The following GRHL2 variants were observed in gnomAD, a reference collection of about 807,000 sequenced individuals.
GRHL2 encodes the protein grainyhead like transcription factor 2, also known as grainyhead-like protein 2 homolog.
A neutral mutation model predicts 83.8 loss-of-function variants in GRHL2; 21 were observed. The observed-to-expected ratio is 0.25, with a 90% confidence interval of 0.18 to 0.36. The LOEUF is 0.36. Ranked by LOEUF, GRHL2 falls within the 10% of genes least tolerant of loss-of-function variation. The pLI, the probability that GRHL2 is intolerant of heterozygous loss-of-function variation, is 1.00. For missense variants in GRHL2, 623 were observed against 781.8 expected, an observed-to-expected ratio of 0.80 and a Z score of 2.42; for synonymous variants, 280 against 278.9, an observed-to-expected ratio of 1.00 and a Z score of -0.04.
In GRHL2 at chr8:101,514,792, G is replaced by C. The variant is rs114247076; in HGVS notation, c.20+22003G>C. 2.6e-3 allele frequency among the ~76,000 whole-genome samples: 399 copies of C among 152,176 alleles called. 3 individuals carry two copies. The highest frequency in any genetic ancestry group is 9.0e-3 in the African/African-American group (373 of 41,528). ...GTTTAGGCAGACGAATGTTAGGATG[G>C]GGCTCTCTGTTTGAGGGAGAAAGTC... On this transcript the variant is annotated intron_variant, in intron 1 of 15. Transcript: ENST00000646743.
chr8:101,544,395 T>G (rs1811217935), intron 2 of GRHL2, among the ~76,000 whole-genome samples: 1 of 152,214 alleles, frequency 6.6e-6, no homozygotes, highest in South Asian at 2.1e-4. Flanking sequence ...AAAATAAATG[T>G]AATGCACTTA....
chr8:101,619,536 C>A lies in GRHL2; in HGVS notation c.1099-3C>A, dbSNP rs1289596008. 6.2e-7 allele frequency: 1 copy of A among 1,613,492 alleles called. No homozygotes were observed. The highest frequency in any genetic ancestry group is 1.3e-5 in the African/African-American group (1 of 74,898). Reference sequence around the variant, plus strand: ...GTGAACTTTTTCTTTCTCTTTCCCTCAGATTTTCATCACCGTGAATTGCTT... The same window carrying A: ...GTGAACTTTTTCTTTCTCTTTCCCTAAGATTTTCATCACCGTGAATTGCTT... On this transcript the variant is annotated splice_region_variant and splice_polypyrimidine_tract_variant and intron_variant, in intron 8 of 15. Transcript: ENST00000646743.
At chr8:101,512,730 C>T (rs1159306982) in intron 1 of GRHL2, among the ~76,000 whole-genome samples, 7 of 152,136 alleles carry the variant, frequency 4.6e-5, no homozygotes, top group South Asian at 2.1e-4. Flanking sequence ...TTACGCTGGT[C>T]GGGATTGGCA....
At chr8:101,504,170 GC>G (rs1210004611) in intron 1 of GRHL2, among the ~76,000 whole-genome samples, 1 of 152,146 alleles carries the variant, frequency 6.6e-6, no homozygotes, top group Non-Finnish European at 1.5e-5. Flanking sequence ...AGAAATCCCT[GC>G]CCTCTCCTCT....
intron 14 of GRHL2, among the ~76,000 whole-genome samples, chr8:101,659,105 AG>A (rs1216815742): frequency 6.6e-6 from 1 of 152,270 alleles, no homozygotes; most frequent in Non-Finnish European, 1.5e-5. Context: ...CTTATGATAT[AG>A]GAAACATGTG....
chr8:101,569,388 C>CAA (rs1179862528), intron 4 of GRHL2, among the ~76,000 whole-genome samples: 1 of 152,118 alleles, frequency 6.6e-6, no homozygotes, highest in Non-Finnish European at 1.5e-5. Flanking sequence ...TGAATAGGGT[C>CAA]AAATTATTAC....
chr8:101,543,505 A>T, intron 2 of GRHL2, 69 bp downstream of exon 2: 8 of 1,441,854 alleles, frequency 5.5e-6, no homozygotes, highest in Non-Finnish European at 7.8e-6. Flanking sequence ...GGGAAGAAGG[A>T]ACAGATTGTT....
At chr8:101,513,310 A>G (rs564933964) in intron 1 of GRHL2, among the ~76,000 whole-genome samples, 1 of 152,168 alleles carries the variant, frequency 6.6e-6, no homozygotes, top group South Asian at 2.1e-4. Flanking sequence ...CTCATCTATA[A>G]GAAGGGAATA....
chr8:101,573,947 A>G, intron 6 of GRHL2, 123 bp downstream of exon 6: 1 of 1,137,998 alleles, frequency 8.8e-7, no homozygotes, highest in South Asian at 1.3e-5. Context: ...TCTAGAACGA[A>G]TGTCAGAGAG....
At chr8:101,556,515 T>C (rs915326972) in intron 3 of GRHL2, among the ~76,000 whole-genome samples, 13 of 152,230 alleles carry the variant, frequency 8.5e-5, no homozygotes, top group Non-Finnish European at 2.9e-5. Context: ...TGAGTTCTTA[T>C]TTGTTTCTGC....
chr8:101,667,096 C>A lies in GRHL2; in HGVS notation c.*393C>A. ...CCTAAAAAATTCCCATCCCTTCTCT[C>A]TCACCCCTCCATATCTATCTCCCGA... is the stretch of plus-strand genomic sequence containing the variant. On this transcript the variant is annotated 3_prime_UTR_variant, in exon 16 of 16. Transcript: ENST00000646743. 3.3e-6 allele frequency: 1 copy of A among 301,478 alleles called. No individual in the cohort carries two copies. The highest frequency in any genetic ancestry group is 6.5e-6 in the Non-Finnish European group (1 of 154,160). The allele number at this position is 301,478 out of a possible 1,614,324, so 18.7% of individuals were successfully genotyped here. A position where few individuals can be genotyped will look rare whatever the true frequency, so the allele number is the denominator to read the frequency against.
chr8:101,641,582 C>A (rs1274287811), intron 12 of GRHL2, among the ~76,000 whole-genome samples: 1 of 152,136 alleles, frequency 6.6e-6, no homozygotes, highest in East Asian at 1.9e-4. Context: ...TGAAACTTAG[C>A]ACTACCTTTA....
In GRHL2 at chr8:101,494,436, G is replaced by C. The variant is rs531368274; in HGVS notation, c.20+1647G>C. ...GGGGAAGAACTAGCGTTACCAACACGGGAGCGGGTCAGAGGCAGGGTAGGA... is the reference window on the plus strand; with the variant it reads ...GGGGAAGAACTAGCGTTACCAACACCGGAGCGGGTCAGAGGCAGGGTAGGA... On this transcript the variant is annotated intron_variant, in intron 1 of 15. Coordinates refer to ENST00000646743, the MANE Select transcript of GRHL2 (RefSeq NM_024915.4). Among the ~76,000 whole-genome samples the C allele has an allele frequency of 2.0e-5, 3 of 152,286 alleles. No individual in the cohort carries two copies. The South Asian group carries it at 6.2e-4, about 32-fold the overall frequency.
chr8:101,666,814 C>T lies in GRHL2; in HGVS notation c.*111C>T, dbSNP rs1814074046. ...ACCCATCTCCCCCATCTCACAACTG[C>T]TGTTACAAGACCGTGCTGGGGAGTG... is the stretch of plus-strand genomic sequence containing the variant. On this transcript the variant is annotated 3_prime_UTR_variant, in exon 16 of 16. Transcript: ENST00000646743. The T allele has an allele frequency of 1.3e-6, 1 of 746,422 alleles. No homozygotes were observed. The highest frequency in any genetic ancestry group is 2.4e-6 in the Non-Finnish European group (1 of 410,952). 46.2% of individuals were successfully genotyped at this position (746,422 alleles called of 1,614,324 possible). A position where few individuals can be genotyped will look rare whatever the true frequency, so the allele number is the denominator to read the frequency against.
At chr8:101,679,648 G>A in the GRHL2 span, among the ~76,000 whole-genome samples, 9 of 151,484 alleles carry the variant, frequency 5.9e-5, no homozygotes, top group Non-Finnish European at 1.2e-4. Flanking sequence ...TTGAAATGAA[G>A]GAAAAAATGT....
intron 4 of GRHL2, among the ~76,000 whole-genome samples, chr8:101,568,551 A>G (rs577279447): frequency 6.6e-6 from 1 of 151,872 alleles, no homozygotes; most frequent in Non-Finnish European, 1.5e-5. Flanking sequence ...ATGATTCAAC[A>G]TAGACTTTCA....
chr8:101,507,856 C>A (rs1293439119), intron 1 of GRHL2, among the ~76,000 whole-genome samples: 1 of 140,406 alleles, frequency 7.1e-6, no homozygotes, highest in Non-Finnish European at 1.5e-5. Context: ...CAGCTCACTG[C>A]AACCTCCGTC....
intron 9 of GRHL2, among the ~76,000 whole-genome samples, chr8:101,628,417 G>GA (rs899793116): frequency 6.6e-6 from 1 of 151,798 alleles, no homozygotes; most frequent in Non-Finnish European, 1.5e-5. Context: ...CACTGCTCAG[G>GA]AAAAAAAGAT....
intron 2 of GRHL2, among the ~76,000 whole-genome samples, chr8:101,551,868 C>T (rs1262424622): frequency 6.7e-6 from 1 of 149,926 alleles, no homozygotes; most frequent in East Asian, 2.0e-4. Flanking sequence ...CTGAGTCTTG[C>T]TCTGTCGCCC....
Sources: gnomAD v4.1 joint callset for allele counts (sites outside exome capture counted in the v4.1 genomes callset) on GRCh38, gnomAD v4.1.1 for gene constraint, MANE v1.5 for transcripts, NCBI Gene and HGNC (gene_info 2026-07-23, HGNC 2026-07-21) for gene names.